The following GIGYF2 variants were observed in gnomAD, a reference collection of about 807,000 sequenced individuals.
GIGYF2 encodes the protein GRB10 interacting GYF protein 2.
GIGYF2 carries 25 observed loss-of-function variants against 208.1 expected under a neutral mutation model. That is an observed-to-expected ratio of 0.12 (90% CI 0.09 to 0.17). The LOEUF is 0.17. GIGYF2 is among the 10% of genes least tolerant of loss of function. The pLI is 1.00. For missense variants in GIGYF2, 1,302 were observed against 1,579.4 expected (o/e 0.82, Z 2.98); for synonymous variants, 534 against 543.8 (o/e 0.98, Z 0.25).
At chr2:232,730,716 G>A (rs1436898780) in intron 2 of GIGYF2, among the ~76,000 whole-genome samples, 7 of 149,356 alleles carry the variant, frequency 4.7e-5, no homozygotes, top group African/African-American at 1.2e-4. Flanking sequence ...GGCTAAAATG[G>A]TGAAACCCCG....
At chr2:232,840,112 C>A in intron 23 of GIGYF2, 141 bp downstream of exon 23, 1 of 918,786 alleles carries the variant, frequency 1.1e-6, no homozygotes, top group Non-Finnish European at 1.7e-6. Context: ...AAACTTCAGC[C>A]CATAATTTGG....
intron 21 of GIGYF2, among the ~76,000 whole-genome samples, chr2:232,824,825 G>A (rs1701201043): frequency 6.6e-6 from 1 of 152,204 alleles, no homozygotes; most frequent in African/African-American, 2.4e-5. Context: ...TGGCTTCAAA[G>A]CTTTAAAGGA....
chr2:232,750,524 G>T (rs1698298695), intron 5 of GIGYF2, among the ~76,000 whole-genome samples: 1 of 152,104 alleles, frequency 6.6e-6, no homozygotes, highest in African/African-American at 2.4e-5. Context: ...CCAACATCAA[G>T]TATTTTTATT....
chr2:232,722,463 G>T (rs553911442), intron 2 of GIGYF2: 1 of 152,164 alleles, frequency 6.6e-6, no homozygotes, highest in Non-Finnish European at 1.5e-5. Context: ...CCCTTGACAC[G>T]TGGGGTTTAC....
intron 15 of GIGYF2, among the ~76,000 whole-genome samples, chr2:232,808,762 T>G (rs1189427614): frequency 1.3e-5 from 2 of 152,172 alleles, no homozygotes; most frequent in African/African-American, 4.8e-5. Context: ...CTCCTAATTT[T>G]AACTTTTTAT....
intron 4 of GIGYF2, 49 bp downstream of exon 4, chr2:232,747,793 A>G (rs759386977): frequency 6.5e-7 from 1 of 1,533,750 alleles, no homozygotes; most frequent in Non-Finnish European, 9.0e-7. Flanking sequence ...ACTTTGGGAT[A>G]TATACCATGA....
intron 14 of GIGYF2, among the ~76,000 whole-genome samples, chr2:232,799,244 G>A (rs1700317005): frequency 1.3e-5 from 2 of 151,910 alleles, no homozygotes. Flanking sequence ...TATAGTTATT[G>A]TGAATAATGT....
At chr2:232,783,980 G>A (rs1442563622) in intron 8 of GIGYF2, among the ~76,000 whole-genome samples, 2 of 152,164 alleles carry the variant, frequency 1.3e-5, no homozygotes, top group African/African-American at 4.8e-5. Flanking sequence ...GAGCCACCAC[G>A]CCCAGCCTCA....
At chr2:232,799,555 T>C (rs761160847) in intron 14 of GIGYF2, among the ~76,000 whole-genome samples, 4 of 12,072 alleles carry the variant, frequency 3.3e-4, no homozygotes, top group Non-Finnish European at 4.6e-4. Context: ...GTCTTTAAAA[T>C]AATAATAATA....
chr2:232,771,235 T>C (rs1699233027), intron 8 of GIGYF2: 2 of 1,610,418 alleles, frequency 1.2e-6, no homozygotes, highest in South Asian at 2.2e-5. Context: ...TCCCCAAGCA[T>C]CTCGAAGATA....
intron 28 of GIGYF2, among the ~76,000 whole-genome samples, chr2:232,852,461 C>A (rs1337941155): frequency 1.3e-5 from 2 of 152,188 alleles, no homozygotes; most frequent in East Asian, 3.8e-4. Context: ...AGGAGAATCA[C>A]TTGAGCAGCC....
intron 21 of GIGYF2, among the ~76,000 whole-genome samples, chr2:232,827,205 A>G (rs1574930201): frequency 6.6e-6 from 1 of 152,200 alleles, no homozygotes; most frequent in Admixed American, 6.5e-5. Context: ...AGGTATAGAC[A>G]TTGTTTTTTA....
At chr2:232,701,386 A>G (rs966157937) in intron 1 of GIGYF2, among the ~76,000 whole-genome samples, 4 of 151,230 alleles carry the variant, frequency 2.6e-5, no homozygotes, top group African/African-American at 7.3e-5. Flanking sequence ...TTGGGGTTGC[A>G]GTGAGCCGTG....
chr2:232,855,141 C>T (rs937935843), intron 28 of GIGYF2, among the ~76,000 whole-genome samples: 3 of 133,624 alleles, frequency 2.2e-5, no homozygotes, highest in East Asian at 4.4e-4. Flanking sequence ...GGCTGGAGTG[C>T]AGTGATGTTA....
chr2:232,810,227 A>G, intron 16 of GIGYF2: 1 of 178,516 alleles, frequency 5.6e-6, no homozygotes, highest in Non-Finnish European at 1.2e-5. Context: ...GCCTCAAGTG[A>G]TCTGCCTGCC....
chr2:232,856,575 C>G (rs1443886487), intron 28 of GIGYF2, among the ~76,000 whole-genome samples: 1 of 152,068 alleles, frequency 6.6e-6, no homozygotes, highest in East Asian at 1.9e-4. Flanking sequence ...TGTCTGTAAT[C>G]CAGCTACTTG....
chr2:232,793,685 T>C (rs1700138519), intron 12 of GIGYF2, among the ~76,000 whole-genome samples: 1 of 152,106 alleles, frequency 6.6e-6, no homozygotes, highest in Non-Finnish European at 1.5e-5. Flanking sequence ...AGATTGCATA[T>C]ACTTAGTAGG....
intron 14 of GIGYF2, among the ~76,000 whole-genome samples, chr2:232,802,922 C>CA (rs1700442765): frequency 6.9e-6 from 1 of 145,260 alleles, no homozygotes; most frequent in African/African-American, 2.6e-5. Flanking sequence ...TTTTTAAAGA[C>CA]AGAGTCTAGC....
At chr2:232,825,226 C>T (rs1701213186) in intron 21 of GIGYF2, among the ~76,000 whole-genome samples, 1 of 152,192 alleles carries the variant, frequency 6.6e-6, no homozygotes, top group South Asian at 2.1e-4. Flanking sequence ...AAACATACTT[C>T]ATAATGCTCT....
Sources: allele counts gnomAD v4.1 joint callset (sites outside exome capture counted in the v4.1 genomes callset), GRCh38; gene constraint gnomAD v4.1.1; transcripts MANE v1.5; gene names NCBI Gene and HGNC (gene_info 2026-07-23, HGNC 2026-07-21).